Variants in RHPN2 observed in about 807,000 individuals in gnomAD.
The protein encoded by RHPN2 is rhophilin Rho GTPase binding protein 2, also known as rhophilin-2.
RHPN2 carries 40 observed loss-of-function variants against 79.0 expected under a neutral mutation model. That is an observed-to-expected ratio of 0.51 (90% CI 0.39 to 0.66). RHPN2 has a LOEUF of 0.66. RHPN2 is among the 30% of genes least tolerant of loss of function. RHPN2 has a pLI of 0.00. For missense variants in RHPN2, 686 were observed against 883.5 expected, an observed-to-expected ratio of 0.78 and a Z score of 2.83; for synonymous variants, 285 against 363.5, an observed-to-expected ratio of 0.78 and a Z score of 2.46.
At chr19:33,057,497 A>G (rs1302880675) in intron 1 of RHPN2, among the ~76,000 whole-genome samples, 1 of 150,946 alleles carries the variant, frequency 6.6e-6, no homozygotes, top group African/African-American at 2.4e-5. Context: ...CGAGACCAAC[A>G]TGGAGAAACT....
At chr19:33,008,659 ACTCAGGAGG>A (rs1212887363) in intron 6 of RHPN2, among the ~76,000 whole-genome samples, 2 of 151,988 alleles carry the variant, frequency 1.3e-5, no homozygotes, top group Non-Finnish European at 2.9e-5. Flanking sequence ...AATCTCAGCT[ACTCAGGAGG>A]CTGAGGCGGA....
chr19:33,021,721 C>T, intron 3 of RHPN2, 75 bp from the exon 4 acceptor site: 1 of 1,106,076 alleles, frequency 9.0e-7, no homozygotes, highest in Non-Finnish European at 1.3e-6. Flanking sequence ...TTGCCCTCAG[C>T]AGCCCAAGCT....
At chr19:32,998,187 G>T (rs771268483) in intron 10 of RHPN2, among the ~76,000 whole-genome samples, 5 of 152,170 alleles carry the variant, frequency 3.3e-5, no homozygotes, top group Non-Finnish European at 5.9e-5. Flanking sequence ...GCCACGAGAC[G>T]CACCTCATAG....
At chr19:33,024,090 A>G (rs1971947253) in intron 3 of RHPN2, among the ~76,000 whole-genome samples, 1 of 152,182 alleles carries the variant, frequency 6.6e-6, no homozygotes, top group Non-Finnish European at 1.5e-5. Flanking sequence ...TGAACACCAG[A>G]GCATAGGCTG....
At chr19:32,998,149 TCA>T (rs1340695947) in intron 10 of RHPN2, among the ~76,000 whole-genome samples, 2 of 152,180 alleles carry the variant, frequency 1.3e-5, no homozygotes, top group African/African-American at 4.8e-5. Context: ...TCTCTGGGTC[TCA>T]GTTTCCTCAG....
At chr19:32,987,425 C>T (rs1971620382) in intron 14 of RHPN2, among the ~76,000 whole-genome samples, 1 of 152,186 alleles carries the variant, frequency 6.6e-6, no homozygotes, top group Non-Finnish European at 1.5e-5. Flanking sequence ...TCTGCTGCCA[C>T]CTCTCCACCA....
Position 33,021,554 on chromosome 19 carries a change from A to G in RHPN2, c.390+17T>C, listed in dbSNP as rs1175359746. The G allele has an allele frequency of 1.9e-6, 3 of 1,607,074 alleles. No individual in the cohort carries two copies. The highest frequency in any genetic ancestry group is 2.7e-5 in the African/African-American group (2 of 74,758). The stretch of plus-strand genomic sequence containing the variant: ...ATTTTAAACACTGAGTCTGGTGCCC[A>G]TGGCTTTGAGATTTACCTTGAGGAC... On this transcript the variant is annotated intron_variant, in intron 4 of 14. Transcript: ENST00000254260.
Position 33,044,251 on chromosome 19 carries a change from CAGA to C in RHPN2, c.180_182del (p.Leu61del), listed in dbSNP as rs1406811543. 6.2e-7 allele frequency: 1 copy of C among 1,612,104 alleles called. No homozygotes were observed. Among genetic ancestry groups the C allele is most frequent in the Admixed American group, 1.7e-5 (1 of 59,976 alleles). On this transcript the variant is annotated inframe_deletion, in exon 2 of 15. Transcript: ENST00000254260. ...CAGGGAAGCCAGAAGACACCTACTT[CAGA>C]AGGTTTTCCGCTCCGGTCCTCATCC...
At chr19:33,033,590 C>T (rs1972029614) in intron 2 of RHPN2, among the ~76,000 whole-genome samples, 1 of 150,312 alleles carries the variant, frequency 6.7e-6, no homozygotes, top group Non-Finnish European at 1.5e-5. Context: ...TAAAATAGGC[C>T]GGGCACAGTG....
At chr19:33,056,116 C>CTT (rs748275930) in intron 1 of RHPN2, among the ~76,000 whole-genome samples, 4 of 134,348 alleles carry the variant, frequency 3.0e-5, no homozygotes, top group South Asian at 2.5e-4. Context: ...TTCTTTTTTC[C>CTT]TTTTTTTTTT....
intron 2 of RHPN2, among the ~76,000 whole-genome samples, chr19:33,037,797 G>A (rs369140058): frequency 1.1e-4 from 17 of 152,186 alleles, no homozygotes; most frequent in African/African-American, 3.4e-4. Flanking sequence ...GTAACACCGC[G>A]AGGGTCCGTC....
intron 2 of RHPN2, 49 bp from the exon 3 acceptor site, chr19:33,026,681 C>T: frequency 6.3e-7 from 1 of 1,587,862 alleles, no homozygotes. Flanking sequence ...GGTATCCTGG[C>T]TTCTAGGTGA....
At chr19:32,994,558 G>A (rs1971686384) in intron 11 of RHPN2, among the ~76,000 whole-genome samples, 1 of 152,130 alleles carries the variant, frequency 6.6e-6, no homozygotes, top group African/African-American at 2.4e-5. Context: ...GTGAGCCATG[G>A]GAGGTATAAC....
chr19:33,048,698 C>T (rs1323225195), intron 1 of RHPN2, among the ~76,000 whole-genome samples: 3 of 124,360 alleles, frequency 2.4e-5, no homozygotes, highest in Admixed American at 2.1e-4. Context: ...TGCACTCCAG[C>T]CTGGGTGACA....
chr19:33,062,836 T>C (rs1388724933), intron 1 of RHPN2, among the ~76,000 whole-genome samples: 1 of 151,780 alleles, frequency 6.6e-6, no homozygotes, highest in African/African-American at 2.4e-5. Flanking sequence ...ACTGTGCACC[T>C]TTCCTAGCTC....
At chr19:33,026,677 C>T in intron 2 of RHPN2, 45 bp from the exon 3 acceptor site, 1 of 1,590,736 alleles carries the variant, frequency 6.3e-7, no homozygotes, top group Non-Finnish European at 8.5e-7. Flanking sequence ...GCCAGGTATC[C>T]TGGCTTCTAG....
At chr19:32,995,367 G>A (rs960811957) in intron 11 of RHPN2, among the ~76,000 whole-genome samples, 15 of 151,518 alleles carry the variant, frequency 9.9e-5, no homozygotes, top group East Asian at 5.9e-4. Context: ...TTGAGCCACC[G>A]TGCTTGACCT....
intron 1 of RHPN2, among the ~76,000 whole-genome samples, chr19:33,050,515 A>G (rs1440091521): frequency 6.6e-6 from 1 of 152,138 alleles, no homozygotes; most frequent in Non-Finnish European, 1.5e-5. Flanking sequence ...CATTTCCATC[A>G]TCCCCAGGCA....
intron 1 of RHPN2, among the ~76,000 whole-genome samples, chr19:33,055,409 G>A (rs1288125657): frequency 2.6e-5 from 4 of 151,570 alleles, no homozygotes; most frequent in African/African-American, 9.7e-5. Flanking sequence ...AATCAGGAGT[G>A]GGGTCAGCAT....
Sources: gnomAD v4.1 joint callset for allele counts (sites outside exome capture counted in the v4.1 genomes callset) on GRCh38, gnomAD v4.1.1 for gene constraint, MANE v1.5 for transcripts, NCBI Gene and HGNC (gene_info 2026-07-23, HGNC 2026-07-21) for gene names.